The following COL22A1 variants were observed in gnomAD, a reference collection of about 807,000 sequenced individuals.
COL22A1 encodes the protein collagen type XXII alpha 1 chain, also known as collagen alpha-1(XXII) chain.
COL22A1 carries 221 observed loss-of-function variants against 248.9 expected under a neutral mutation model. The ratio of observed to expected loss-of-function variants is 0.89; its 90% CI spans 0.80 to 0.99. The LOEUF (loss-of-function observed/expected upper bound fraction) is 0.99. Among genes scored for constraint, COL22A1 ranks in the 50% least tolerant of loss-of-function variants. The pLI is 0.00. For synonymous variants in COL22A1, 891 were observed against 793.4 expected (o/e 1.12, Z -2.07); for missense variants, 2,240 against 2,179.0 (o/e 1.03, Z -0.56).
chr8:138,698,121 G>A (rs769447620), intron 32 of COL22A1, among the ~76,000 whole-genome samples: 3 of 152,180 alleles, frequency 2.0e-5, no homozygotes, highest in Non-Finnish European at 4.4e-5. Flanking sequence ...TCTCAACCCC[G>A]AGGGGCTCAG....
intron 10 of COL22A1, among the ~76,000 whole-genome samples, chr8:138,806,385 C>T (rs1817732396): frequency 1.3e-5 from 2 of 151,126 alleles, no homozygotes; most frequent in Admixed American, 1.3e-4. Flanking sequence ...GGGGGCAAAG[C>T]AGGGAAGGGT....
At chr8:138,703,120 A>C (rs980420955) in intron 31 of COL22A1, among the ~76,000 whole-genome samples, 186 bp downstream of exon 31, 1 of 152,168 alleles carries the variant, frequency 6.6e-6, no homozygotes, top group African/African-American at 2.4e-5. Flanking sequence ...ATAAATCAAT[A>C]AGCATAGGAT....
chr8:138,789,202 A>C (rs1815817856), intron 12 of COL22A1, among the ~76,000 whole-genome samples: 1 of 152,216 alleles, frequency 6.6e-6, no homozygotes, highest in Admixed American at 6.5e-5. Flanking sequence ...TGAACTTCAG[A>C]ACTTCCCCAA....
intron 12 of COL22A1, among the ~76,000 whole-genome samples, chr8:138,788,318 A>T (rs576574859): frequency 6.6e-6 from 1 of 152,354 alleles, no homozygotes; most frequent in South Asian, 2.1e-4. Flanking sequence ...GTCTGAAAAC[A>T]TGAACTCAAA....
intron 49 of COL22A1, 113 bp from the exon 50 acceptor site, chr8:138,630,861 A>C: frequency 1.1e-6 from 1 of 917,042 alleles, no homozygotes; most frequent in Non-Finnish European, 1.8e-6. Flanking sequence ...TCCCCTCCAA[A>C]TCTCATGTTG....
At chr8:138,624,705 C>A (rs1258032800) in intron 51 of COL22A1, among the ~76,000 whole-genome samples, 1 of 152,142 alleles carries the variant, frequency 6.6e-6, no homozygotes, top group Non-Finnish European at 1.5e-5. Context: ...TTCATACCAA[C>A]ATCCCAGCAT....
intron 57 of COL22A1, among the ~76,000 whole-genome samples, 190 bp downstream of exon 57, chr8:138,607,746 C>T (rs1417368057): frequency 3.9e-5 from 6 of 152,186 alleles, no homozygotes; most frequent in Admixed American, 1.3e-4. Flanking sequence ...GAGCCAATCG[C>T]ATGATATATA....
At chr8:138,749,197 A>G (rs763894734) in intron 22 of COL22A1, among the ~76,000 whole-genome samples, 1 of 152,190 alleles carries the variant, frequency 6.6e-6, no homozygotes, top group African/African-American at 2.4e-5. Flanking sequence ...CTGTGAGTCC[A>G]TTAACTCTCT....
At chr8:138,691,836 A>ATGTGTACACATGCGTGTGTGCGTT (rs1464246211) in intron 35 of COL22A1, among the ~76,000 whole-genome samples, 1 of 10,252 alleles carries the variant, frequency 9.8e-5, no homozygotes, top group Non-Finnish European at 2.1e-4. Context: ...AGGTGTGTGT[A>ATGTGTACACATGCGTGTGTGCGTT]TGTGGAGGTG....
chr8:138,776,759 A>G lies in COL22A1; in HGVS notation c.1759-749T>C, dbSNP rs143787631. ...AAGCCCCACTAGGGCAGTTCCTTCA[A>G]TATGGTATCCCCAGAGTCTAGAACA... On this transcript the variant is annotated intron_variant, in intron 15 of 64. Coordinates refer to ENST00000303045, the MANE Select transcript of COL22A1 (RefSeq NM_152888.3). 4.6e-5 allele frequency among the ~76,000 whole-genome samples: 7 copies of G among 152,220 alleles called. No homozygotes were observed. In the East Asian group the frequency reaches 9.7e-4, roughly 21 times the overall value.
chr8:138,632,448 T>C (rs1820803157), intron 49 of COL22A1, among the ~76,000 whole-genome samples: 1 of 152,220 alleles, frequency 6.6e-6, no homozygotes, highest in South Asian at 2.1e-4. Context: ...TATAAGTGTC[T>C]ATTGTCCACC....
Position 138,724,644 on chromosome 8 carries a change from G to A in COL22A1, c.2218C>T (p.Pro740Ser), listed in dbSNP as rs1830161672. The change falls in exon 25 of 65, where the codon CCG becomes TCG. Residue 740 changes from proline (P) to serine (S), a missense_variant. Physicochemically the swap from Pro to Ser is moderately conservative, Grantham distance 74. Transcript: ENST00000303045. ...GGCCCAGGAGGTCCAGGCTTTCCCG[G>A]GAAGCCGATCTCTCCAGGCAAACCC... ...SPGLPGEIGF[P>S]GKPGPPGPTG... The A allele has an allele frequency of 3.1e-6, 5 of 1,614,078 alleles. 1 individual carries two copies. The Admixed American group carries it at 8.3e-5, about 27-fold the overall frequency.
At chr8:138,879,897 A>T (rs1051126107) in intron 2 of COL22A1, among the ~76,000 whole-genome samples, 2 of 152,070 alleles carry the variant, frequency 1.3e-5, no homozygotes, top group Admixed American at 6.6e-5. Context: ...GGAAAGGTAG[A>T]ATGGTCTGGT....
chr8:138,620,419 A>AC (rs995047461), intron 52 of COL22A1: 23 of 152,204 alleles, frequency 1.5e-4, no homozygotes, highest in African/African-American at 5.5e-4. Flanking sequence ...GAAAAAAAAA[A>AC]AAAACTATAG....
chr8:138,649,521 C>T, intron 46 of COL22A1, 144 bp downstream of exon 46: 2 of 1,381,202 alleles, frequency 1.4e-6, no homozygotes, highest in Non-Finnish European at 1.9e-6. Flanking sequence ...AGCTGTATCT[C>T]ACAACCCAGT....
chr8:138,660,589 G>GA (rs1281415182), intron 43 of COL22A1, 109 bp from the exon 44 acceptor site: 49 of 947,696 alleles, frequency 5.2e-5, no homozygotes, highest in Middle Eastern at 4.3e-4. Context: ...ACTCAGTGGG[G>GA]AAAAAAAATC....
At chr8:138,905,807 A>G (rs1305310766) in intron 1 of COL22A1, among the ~76,000 whole-genome samples, 1 of 151,598 alleles carries the variant, frequency 6.6e-6, no homozygotes, top group Non-Finnish European at 1.5e-5. Context: ...CTCACATTTC[A>G]CCTCATGAAC....
At chr8:138,613,179 T>C (rs1215509369) in intron 56 of COL22A1, among the ~76,000 whole-genome samples, 74 of 141,042 alleles carry the variant, frequency 5.2e-4, no homozygotes, top group African/African-American at 1.9e-3. Flanking sequence ...ACCTGGGAGG[T>C]GGAGCTTGCA....
rs952175201 is a variant in COL22A1 at position 138,857,022 on chromosome 8, G to A, written c.659-12864C>T. ...GCCCCTCTTTCTTTGGGGAAAGGCC[G>A]CCTTTGCCCCTCTGATTCTCCCTGC... On this transcript the variant is annotated intron_variant, in intron 3 of 64. Transcript: ENST00000303045. Among the ~76,000 whole-genome samples, 16 of 151,506 alleles carry A rather than the reference G, an allele frequency of 1.1e-4. No individual in the cohort carries two copies. In the East Asian group the frequency reaches 2.1e-3, roughly 20 times the overall value.
Sources: gnomAD v4.1 joint callset for allele counts (sites outside exome capture counted in the v4.1 genomes callset) on GRCh38, gnomAD v4.1.1 for gene constraint, MANE v1.5 for transcripts, NCBI Gene and HGNC (gene_info 2026-07-23, HGNC 2026-07-21) for gene names.